ZNF362: variants seen among roughly 807,000 people sequenced by gnomAD.
ZNF362 encodes the protein zinc finger protein 362, also known as rotund homolog.
Under a neutral mutation model 42.9 loss-of-function variants are expected in ZNF362, and 11 were observed. That is an observed-to-expected ratio of 0.26 (90% CI 0.16 to 0.42). The LOEUF (loss-of-function observed/expected upper bound fraction) is 0.42, where lower values mean the gene tolerates loss of function less well. Ranked by LOEUF, ZNF362 falls within the 20% of genes least tolerant of loss-of-function variation. The pLI, the probability that ZNF362 is intolerant of heterozygous loss-of-function variation, is 1.00. For synonymous variants in ZNF362, 255 were observed against 257.3 expected (o/e 0.99, Z 0.09); for missense variants, 362 against 576.2 (o/e 0.63, Z 3.81).
chr1:33,225,529 C>T, the ZNF362 span, among the ~76,000 whole-genome samples: 2 of 152,080 alleles, frequency 1.3e-5, no homozygotes, highest in African/African-American at 2.4e-5. Flanking sequence ...GAGTTCCCAT[C>T]GTTGCTTGTT....
At chr1:33,185,784 A>G in the ZNF362 span, among the ~76,000 whole-genome samples, 1 of 152,086 alleles carries the variant, frequency 6.6e-6, no homozygotes, top group Non-Finnish European at 1.5e-5. Flanking sequence ...TTTTCTGGAA[A>G]GCTATCCAAG....
At chr1:33,276,273 C>T (rs909465924) in intron 3 of ZNF362, 75 bp from the exon 4 acceptor site, 39 of 1,561,312 alleles carry the variant, frequency 2.5e-5, no homozygotes, top group Middle Eastern at 1.7e-4. Context: ...GAGGGGCTCG[C>T]GGGTGGACCA....
At chr1:33,254,195 C>T (rs1299530878), upstream of ZNF362, among the ~76,000 whole-genome samples, 2 of 151,692 alleles carry the variant, frequency 1.3e-5, no homozygotes, top group Admixed American at 6.6e-5. Context: ...GGCCCAATCT[C>T]GGCTCACTGC....
At chr1:33,157,939 T>A in the ZNF362 span, among the ~76,000 whole-genome samples, 1 of 152,064 alleles carries the variant, frequency 6.6e-6, no homozygotes, top group African/African-American at 2.4e-5. Flanking sequence ...GTATTTTTAA[T>A]AGAGACAGGG....
At chr1:33,176,500 G>A in the ZNF362 span, 1 of 673,470 alleles carries the variant, frequency 1.5e-6, no homozygotes, top group Non-Finnish European at 2.8e-6. Context: ...GGCCTGGAGG[G>A]GGCGGCTGAG....
At chr1:33,214,685 G>A in the ZNF362 span, among the ~76,000 whole-genome samples, 2 of 152,152 alleles carry the variant, frequency 1.3e-5, no homozygotes, top group African/African-American at 4.8e-5. Flanking sequence ...GTGGGCAAAA[G>A]ATCCAAATAG....
chr1:33,184,666 C>T, the ZNF362 span, among the ~76,000 whole-genome samples: 5 of 152,206 alleles, frequency 3.3e-5, no homozygotes, highest in African/African-American at 1.2e-4. Context: ...GCATGAAGTA[C>T]AGCCACCCTG....
At chr1:33,236,550 A>ATATATATATATATATAT in the ZNF362 span, among the ~76,000 whole-genome samples, 1 of 5,980 alleles carries the variant, frequency 1.7e-4, no homozygotes, top group Non-Finnish European at 3.7e-4. Context: ...AAAAAAAAAA[A>ATATATATATATATATAT]ATATATATAT....
intron 6 of ZNF362, among the ~76,000 whole-genome samples, chr1:33,293,441 A>G (rs1646094261): frequency 6.6e-6 from 1 of 152,186 alleles, no homozygotes; most frequent in African/African-American, 2.4e-5. Flanking sequence ...TATTGGTAGC[A>G]GGGAGTGTTT....
chr1:33,137,361 T>C, the ZNF362 span, among the ~76,000 whole-genome samples: 1 of 152,142 alleles, frequency 6.6e-6, no homozygotes, highest in Non-Finnish European at 1.5e-5. Flanking sequence ...CTTATGCTTG[T>C]TGTGAGGATT....
chr1:33,243,649 T>C, the ZNF362 span, among the ~76,000 whole-genome samples: 1 of 151,794 alleles, frequency 6.6e-6, no homozygotes, highest in Non-Finnish European at 1.5e-5. Context: ...CAGGCTGGCG[T>C]GCAGTGGTGC....
chr1:33,172,598 G>T, the ZNF362 span, among the ~76,000 whole-genome samples: 1 of 152,164 alleles, frequency 6.6e-6, no homozygotes, highest in Non-Finnish European at 1.5e-5. Context: ...CACCTCAGAG[G>T]GTGGGGCTGT....
At chr1:33,230,289 T>C in the ZNF362 span, among the ~76,000 whole-genome samples, 128 of 152,278 alleles carry the variant, frequency 8.4e-4, no homozygotes, top group African/African-American at 3.0e-3. Flanking sequence ...GTATTAGATA[T>C]TATTGTTGTT....
At chr1:33,250,889 G>GAAA in the ZNF362 span, among the ~76,000 whole-genome samples, 1 of 151,958 alleles carries the variant, frequency 6.6e-6, no homozygotes, top group Non-Finnish European at 1.5e-5. Flanking sequence ...AGAAGAAGAA[G>GAAA]AAGAAGGAGA....
intron 1 of ZNF362, among the ~76,000 whole-genome samples, chr1:33,259,174 C>T (rs1645813269): frequency 6.6e-6 from 1 of 152,204 alleles, no homozygotes; most frequent in South Asian, 2.1e-4. Context: ...CTCCTGCCTC[C>T]CTTCCTCTGT....
At chr1:33,197,473 C>A in the ZNF362 span, among the ~76,000 whole-genome samples, 1 of 152,108 alleles carries the variant, frequency 6.6e-6, no homozygotes, top group East Asian at 1.9e-4. Flanking sequence ...CTTTTGGGAC[C>A]ACTGTCACAT....
At chr1:33,298,789 T>C in intron 8 of ZNF362, 141 bp from the exon 9 acceptor site, 1 of 715,630 alleles carries the variant, frequency 1.4e-6, no homozygotes, top group Non-Finnish European at 2.5e-6. Flanking sequence ...CCGACGCCCA[T>C]CTGACCCTGC....
chr1:33,189,709 G>GTATA, the ZNF362 span, among the ~76,000 whole-genome samples: 8 of 12,446 alleles, frequency 6.4e-4, 1 homozygote, highest in East Asian at 9.6e-3. Flanking sequence ...ACATATATAC[G>GTATA]TATATATATA....
At chr1:33,132,731 G>C in the ZNF362 span, among the ~76,000 whole-genome samples, 1 of 152,170 alleles carries the variant, frequency 6.6e-6, no homozygotes, top group Non-Finnish European at 1.5e-5. Context: ...TCACCACCTG[G>C]CACTCCTGGC....
Sources: gnomAD v4.1 joint callset for allele counts (sites outside exome capture counted in the v4.1 genomes callset) on GRCh38, gnomAD v4.1.1 for gene constraint, MANE v1.5 for transcripts, NCBI Gene and HGNC (gene_info 2026-07-23, HGNC 2026-07-21) for gene names.